KIAA1217: variants seen among roughly 807,000 people sequenced by gnomAD.
The protein encoded by KIAA1217 is sickle tail protein homolog.
A neutral mutation model predicts 163.9 loss-of-function variants in KIAA1217; 88 were observed. The observed-to-expected ratio is 0.54, with a 90% CI of 0.45 to 0.64. The LOEUF (loss-of-function observed/expected upper bound fraction) is 0.64. Among genes scored for constraint, KIAA1217 ranks in the 30% least tolerant of loss-of-function variants. The pLI is 0.00. For synonymous variants in KIAA1217, 903 were observed against 923.1 expected (o/e 0.98, Z 0.39); for missense variants, 2,372 against 2,475.0 (o/e 0.96, Z 0.88).
At chr10:24,408,845 G>C (rs1483794327) in intron 3 of KIAA1217, among the ~76,000 whole-genome samples, 4 of 152,052 alleles carry the variant, frequency 2.6e-5, no homozygotes, top group African/African-American at 9.7e-5. Context: ...TCCCTATAGA[G>C]GACTAATAGC....
intron 1 of KIAA1217, among the ~76,000 whole-genome samples, chr10:23,818,068 T>TACAC (rs1156659416): frequency 1.7e-5 from 2 of 118,134 alleles, no homozygotes; most frequent in African/African-American, 4.5e-5. Context: ...TACATATATA[T>TACAC]ATACACACAC....
At chr10:24,054,614 A>G (rs1849752516) in intron 2 of KIAA1217, among the ~76,000 whole-genome samples, 1 of 152,230 alleles carries the variant, frequency 6.6e-6, no homozygotes, top group East Asian at 1.9e-4. Flanking sequence ...GCAGTTGCAA[A>G]CAAATACAGT....
At chr10:23,908,308 G>A (rs143028026) in intron 1 of KIAA1217, among the ~76,000 whole-genome samples, 6 of 151,888 alleles carry the variant, frequency 4.0e-5, no homozygotes, top group African/African-American at 1.5e-4. Flanking sequence ...TCCATAATTT[G>A]GATTTCATCC....
intron 2 of KIAA1217, among the ~76,000 whole-genome samples, chr10:24,340,164 A>G (rs947572019): frequency 6.6e-6 from 1 of 152,132 alleles, no homozygotes; most frequent in Non-Finnish European, 1.5e-5. Context: ...AGGGGTGTGA[A>G]TCTGATGCTG....
chr10:24,104,296 A>G (rs2062535352), intron 2 of KIAA1217, among the ~76,000 whole-genome samples: 1 of 152,154 alleles, frequency 6.6e-6, no homozygotes, highest in Non-Finnish European at 1.5e-5. Context: ...GGATAAATAA[A>G]CCATGGTATA....
chr10:24,113,886 G>T (rs1031254156), intron 2 of KIAA1217, among the ~76,000 whole-genome samples: 2 of 152,150 alleles, frequency 1.3e-5, no homozygotes, highest in Non-Finnish European at 2.9e-5. Flanking sequence ...TGAAAATGCA[G>T]ACCCCCATGT....
At chr10:23,867,296 T>C (rs1447221769) in intron 1 of KIAA1217, among the ~76,000 whole-genome samples, 2 of 152,026 alleles carry the variant, frequency 1.3e-5, no homozygotes, top group African/African-American at 2.4e-5. Context: ...TTGTGAATAG[T>C]GCCGCAATAA....
At chr10:24,175,549 A>T (rs1039738717) in intron 2 of KIAA1217, among the ~76,000 whole-genome samples, 1 of 152,030 alleles carries the variant, frequency 6.6e-6, no homozygotes, top group Non-Finnish European at 1.5e-5. Flanking sequence ...CCATTCATTC[A>T]TTCTTTTTTT....
intron 1 of KIAA1217, among the ~76,000 whole-genome samples, chr10:23,903,652 T>C (rs1842038326): frequency 6.6e-6 from 1 of 152,078 alleles, no homozygotes; most frequent in Non-Finnish European, 1.5e-5. Context: ...AGGGCACCTG[T>C]CACAGGAGGA....
intron 1 of KIAA1217, among the ~76,000 whole-genome samples, chr10:23,813,423 G>A (rs1272227689): frequency 6.6e-6 from 1 of 151,468 alleles, no homozygotes; most frequent in Non-Finnish European, 1.5e-5. Context: ...ACCTTGTCCT[G>A]TCCTATTCTT....
chr10:24,066,298 G>A (rs1287451610), intron 2 of KIAA1217, among the ~76,000 whole-genome samples: 3 of 152,116 alleles, frequency 2.0e-5, no homozygotes, highest in African/African-American at 4.8e-5. Context: ...TCCTTTCCAT[G>A]TTTAGTGCTT....
At chr10:24,504,668 CTG>C (rs2068106609) in intron 9 of KIAA1217, among the ~76,000 whole-genome samples, 1 of 152,180 alleles carries the variant, frequency 6.6e-6, no homozygotes. Flanking sequence ...ATTCTTTGAA[CTG>C]TGTTATAAAA....
intron 1 of KIAA1217, among the ~76,000 whole-genome samples, chr10:23,924,085 G>T (rs1468411373): frequency 6.6e-6 from 1 of 151,704 alleles, no homozygotes; most frequent in Non-Finnish European, 1.5e-5. Context: ...ATCAATTTAT[G>T]ATCAAAACTG....
chr10:23,906,777 A>G (rs1174271789), intron 1 of KIAA1217, among the ~76,000 whole-genome samples: 4 of 152,152 alleles, frequency 2.6e-5, no homozygotes, highest in African/African-American at 9.6e-5. Flanking sequence ...ATAATGGAGA[A>G]GAAAAGTCTT....
At chr10:24,393,604 T>C (rs1351653696) in intron 3 of KIAA1217, among the ~76,000 whole-genome samples, 3 of 152,220 alleles carry the variant, frequency 2.0e-5, no homozygotes, top group African/African-American at 7.2e-5. Context: ...TACTTCAGCA[T>C]GTGGCTGTAT....
chr10:23,949,159 T>C (rs1844206872), intron 1 of KIAA1217, among the ~76,000 whole-genome samples: 1 of 152,208 alleles, frequency 6.6e-6, no homozygotes, highest in Admixed American at 6.5e-5. Context: ...CATGAAGTCT[T>C]CTTCAATACA....
At chr10:24,343,824 A>G (rs902553296) in intron 2 of KIAA1217, among the ~76,000 whole-genome samples, 2 of 152,212 alleles carry the variant, frequency 1.3e-5, no homozygotes, top group African/African-American at 4.8e-5. Flanking sequence ...CAACAGTACC[A>G]CTACCACGAA....
intron 2 of KIAA1217, among the ~76,000 whole-genome samples, chr10:24,191,283 G>A (rs2066706900): frequency 6.6e-6 from 1 of 152,102 alleles, no homozygotes; most frequent in Admixed American, 6.5e-5. Context: ...CTGCATTCCT[G>A]ACTATTAATC....
intron 2 of KIAA1217, among the ~76,000 whole-genome samples, chr10:24,138,969 A>T (rs1247774424): frequency 2.0e-5 from 3 of 152,164 alleles, no homozygotes; most frequent in Non-Finnish European, 4.4e-5. Context: ...AAAGAAATAT[A>T]TGTATGTCCT....
Sources: gnomAD v4.1 joint callset for allele counts (sites outside exome capture counted in the v4.1 genomes callset) on GRCh38, gnomAD v4.1.1 for gene constraint, MANE v1.5 for transcripts, NCBI Gene and HGNC (gene_info 2026-07-23, HGNC 2026-07-21) for gene names.